The following TSGA10 variants were observed in gnomAD, a reference collection of about 807,000 sequenced individuals.
The protein encoded by TSGA10 is testis specific 10.
A neutral mutation model predicts 96.6 loss-of-function variants in TSGA10; 43 were observed. The observed-to-expected ratio is 0.44, with a 90% CI of 0.35 to 0.57. The LOEUF is 0.57. Ranked by LOEUF, TSGA10 falls within the 20% of genes least tolerant of loss-of-function variation. TSGA10 has a pLI of 0.01. For synonymous variants in TSGA10, 229 were observed against 269.9 expected, an observed-to-expected ratio of 0.85 and a Z score of 1.48; for missense variants, 703 against 834.4, an observed-to-expected ratio of 0.84 and a Z score of 1.94.
At chr2:99,126,948 T>G in intron 2 of TSGA10, 100 bp downstream of exon 2, 3 of 1,066,014 alleles carry the variant, frequency 2.8e-6, no homozygotes, top group Non-Finnish European at 3.7e-6. Context: ...AACATTTAAA[T>G]GAGCTCTGAA....
intron 16 of TSGA10, among the ~76,000 whole-genome samples, chr2:99,059,501 T>C (rs2084411723): frequency 6.6e-6 from 1 of 151,680 alleles, no homozygotes; most frequent in Non-Finnish European, 1.5e-5. Flanking sequence ...TAGCCAGGCA[T>C]AGTGGCAGGC....
At chr2:99,000,595 G>A (rs774959215) in intron 20 of TSGA10, among the ~76,000 whole-genome samples, 5 of 151,974 alleles carry the variant, frequency 3.3e-5, no homozygotes, top group Non-Finnish European at 7.4e-5. Flanking sequence ...AAGCGACACA[G>A]AAGATGGGTG....
At chr2:99,105,219 T>C (rs1281497813) in intron 9 of TSGA10, 140 bp downstream of exon 9, 2 of 640,458 alleles carry the variant, frequency 3.1e-6, no homozygotes, top group Admixed American at 3.3e-5. Context: ...ATTTACACTA[T>C]AAAATACCTT....
intron 10 of TSGA10, among the ~76,000 whole-genome samples, chr2:99,098,087 G>A (rs2090263664): frequency 6.6e-6 from 1 of 151,960 alleles, no homozygotes; most frequent in Non-Finnish European, 1.5e-5. Flanking sequence ...AAAACCTTTA[G>A]AATATACCTA....
intron 16 of TSGA10, among the ~76,000 whole-genome samples, chr2:99,046,593 A>G (rs1442688762): frequency 2.6e-5 from 4 of 152,236 alleles, no homozygotes; most frequent in Non-Finnish European, 4.4e-5. Context: ...GGAAATTTAT[A>G]GCATTAAATG....
intron 16 of TSGA10, among the ~76,000 whole-genome samples, chr2:99,038,303 C>A (rs924056528): frequency 1.2e-4 from 19 of 152,112 alleles, no homozygotes; most frequent in African/African-American, 4.8e-5. Context: ...TACCTCACAT[C>A]TCAATACTAA....
At chr2:99,079,792 C>T (rs1319991474) in intron 11 of TSGA10, among the ~76,000 whole-genome samples, 1 of 152,144 alleles carries the variant, frequency 6.6e-6, no homozygotes, top group Non-Finnish European at 1.5e-5. Context: ...GTTAGACAGA[C>T]TTCTAGGTTA....
At chr2:99,016,980 T>C (rs2079563380) in intron 20 of TSGA10, among the ~76,000 whole-genome samples, 1 of 152,108 alleles carries the variant, frequency 6.6e-6, no homozygotes, top group South Asian at 2.1e-4. Context: ...AGAATGGCCA[T>C]AATTAAAAAA....
intron 10 of TSGA10, among the ~76,000 whole-genome samples, chr2:99,092,116 C>G (rs1466457746): frequency 1.3e-5 from 2 of 152,056 alleles, no homozygotes; most frequent in East Asian, 3.8e-4. Context: ...AATTGGAAAT[C>G]AACTCCAAAA....
At chr2:99,069,662 T>TA (rs1259272227) in intron 14 of TSGA10, among the ~76,000 whole-genome samples, 6 of 149,598 alleles carry the variant, frequency 4.0e-5, no homozygotes, top group African/African-American at 7.4e-5. Flanking sequence ...AATAAATAAA[T>TA]AATAATTAAA....
chr2:99,153,754 C>G (rs560196708), intron 1 of TSGA10, among the ~76,000 whole-genome samples: 8 of 152,232 alleles, frequency 5.3e-5, no homozygotes, highest in African/African-American at 1.9e-4. Context: ...TCAGAGTGAC[C>G]TTGGTAAAAG....
At chr2:99,046,485 C>T (rs867677323) in intron 16 of TSGA10, among the ~76,000 whole-genome samples, 2 of 152,104 alleles carry the variant, frequency 1.3e-5, no homozygotes, top group East Asian at 1.9e-4. Flanking sequence ...GGGTACATAA[C>T]GAAATGAAGG....
At chr2:99,086,915 A>C (rs2088493873) in intron 10 of TSGA10, among the ~76,000 whole-genome samples, 1 of 151,984 alleles carries the variant, frequency 6.6e-6, no homozygotes. Flanking sequence ...AAAAAAAAAA[A>C]ATTTGGGGGC....
intron 16 of TSGA10, among the ~76,000 whole-genome samples, chr2:99,059,587 C>T (rs1446121007): frequency 2.0e-5 from 3 of 151,722 alleles, no homozygotes; most frequent in Non-Finnish European, 1.5e-5. Context: ...TGCAGTGAGC[C>T]GAGATCACGC....
chr2:99,137,374 C>T (rs527893742), intron 1 of TSGA10, among the ~76,000 whole-genome samples: 2 of 152,148 alleles, frequency 1.3e-5, no homozygotes, highest in Non-Finnish European at 2.9e-5. Flanking sequence ...GAAATTCGGA[C>T]TGAAGCCACA....
At chr2:99,072,839 T>C (rs1558922566) in intron 13 of TSGA10, among the ~76,000 whole-genome samples, 179 bp downstream of exon 13, 1 of 152,190 alleles carries the variant, frequency 6.6e-6, no homozygotes, top group Admixed American at 6.5e-5. Context: ...CTTCCCCTTA[T>C]TTTACTTGGC....
chr2:99,088,346 C>G (rs958191920), intron 10 of TSGA10, among the ~76,000 whole-genome samples: 2 of 152,140 alleles, frequency 1.3e-5, no homozygotes, highest in Non-Finnish European at 2.9e-5. Flanking sequence ...TTGTTAATCT[C>G]TTACTGCACC....
intron 1 of TSGA10, among the ~76,000 whole-genome samples, chr2:99,127,379 G>A (rs2092881964): frequency 6.6e-6 from 1 of 151,954 alleles, no homozygotes; most frequent in Non-Finnish European, 1.5e-5. Context: ...TACTGAACAT[G>A]CTTTTCAAAG....
intron 16 of TSGA10, among the ~76,000 whole-genome samples, chr2:99,057,245 T>A (rs111746497): frequency 1.6e-4 from 25 of 152,064 alleles, no homozygotes; most frequent in African/African-American, 5.3e-4. Context: ...GAAAATAAAA[T>A]AAAAGGCATC....
Sources: gnomAD v4.1 joint callset for allele counts (sites outside exome capture counted in the v4.1 genomes callset) on GRCh38, gnomAD v4.1.1 for gene constraint, MANE v1.5 for transcripts, NCBI Gene and HGNC (gene_info 2026-07-23, HGNC 2026-07-21) for gene names.